MGST2: variants seen among roughly 807,000 people sequenced by gnomAD.
MGST2 encodes the protein glutathione peroxidase MGST2.
Under a neutral mutation model 16.6 loss-of-function variants are expected in MGST2, and 9 were observed. That is an observed-to-expected ratio of 0.54 (90% CI 0.33 to 0.95). MGST2 has a LOEUF of 0.95. MGST2 is among the 40% of genes least tolerant of loss of function. The probability of loss-of-function intolerance (pLI) is 0.03; values close to 1 mark genes in which losing one functional copy is unlikely to be tolerated. For missense variants in MGST2, 159 were observed against 175.1 expected, an observed-to-expected ratio of 0.91 and a Z score of 0.52; for synonymous variants, 79 against 68.0, an observed-to-expected ratio of 1.16 and a Z score of -0.79.
chr4:139,683,171 G>A (rs1421502082), intron 2 of MGST2, among the ~76,000 whole-genome samples: 1 of 152,222 alleles, frequency 6.6e-6, no homozygotes. Context: ...TGAGGGTGGG[G>A]TTTCACCAGG....
chr4:139,707,200 C>A (rs965631171), downstream of MGST2, among the ~76,000 whole-genome samples: 1 of 151,920 alleles, frequency 6.6e-6, no homozygotes, highest in African/African-American at 2.4e-5. Flanking sequence ...ATACCTCCCC[C>A]CTCTCCCCAC....
intron 5 of MGST2, among the ~76,000 whole-genome samples, chr4:139,723,201 A>C (rs1232350014): frequency 6.6e-6 from 1 of 152,258 alleles, no homozygotes; most frequent in Non-Finnish European, 1.5e-5. Context: ...ACCCATGTAC[A>C]GTACAATCCC....
In MGST2 at chr4:139,666,500, T is replaced by C. The variant is rs545344453; in HGVS notation, c.58+423T>C. Reference sequence around the variant, plus strand: ...CTGGTTGTGATTTCTTGAACGTTGATGTTTTAATTAATGTGTTTTCTTAAA... The same window carrying C: ...CTGGTTGTGATTTCTTGAACGTTGACGTTTTAATTAATGTGTTTTCTTAAA... On this transcript the variant is annotated intron_variant, in intron 1 of 4. Coordinates refer to ENST00000265498, the MANE Select transcript of MGST2 (RefSeq NM_002413.5). Among the ~76,000 whole-genome samples the C allele has an allele frequency of 2.6e-5, 4 of 152,358 alleles. No individual in the cohort carries two copies. In the East Asian group the frequency reaches 5.8e-4, roughly 22 times the overall value.
At chr4:139,712,429 T>G (rs559027694) in intron 5 of MGST2, among the ~76,000 whole-genome samples, 28 of 152,352 alleles carry the variant, frequency 1.8e-4, no homozygotes, top group Non-Finnish European at 3.1e-4. Flanking sequence ...AGTTTCCCAT[T>G]TTTACTAAAG....
At chr4:139,696,280 T>C (rs988091581) in intron 3 of MGST2, among the ~76,000 whole-genome samples, 2 of 152,176 alleles carry the variant, frequency 1.3e-5, no homozygotes, top group Non-Finnish European at 2.9e-5. Flanking sequence ...TATAGAAATA[T>C]CATTTCTGAC....
chr4:139,745,826 A>C, the MGST2 span, among the ~76,000 whole-genome samples: 1 of 152,236 alleles, frequency 6.6e-6, no homozygotes, highest in African/African-American at 2.4e-5. Flanking sequence ...GTAGGTATAT[A>C]CTGTGAATAT....
At position 139,735,899 on chromosome 4, in the gene MGST2, T is replaced by A. The variant is rs1728922591; in HGVS notation, c.*49-4313T>A. Among the ~76,000 whole-genome samples, 1 of 149,834 alleles carries A rather than the reference T, an allele frequency of 6.7e-6. No homozygotes were observed. The highest frequency in any genetic ancestry group is 2.5e-5 in the African/African-American group (1 of 40,602). On this transcript the variant is annotated intron_variant, in intron 5 of 5. Transcript: ENST00000616265. This position sits in a 1 kb window ranked among gnomAD's most constrained non-coding sequence, Gnocchi z 5.8. ...GGAGACCCGCGAGGGGCCCTGGAGG[T>A]CCTCGGCCCGCGCGCGCCGCTCGGG...
At chr4:139,737,041 C>G (rs1728972756) in intron 5 of MGST2, among the ~76,000 whole-genome samples, 1 of 152,144 alleles carries the variant, frequency 6.6e-6, no homozygotes. Flanking sequence ...ACGGACTACT[C>G]CAGTTGCAAC....
At chr4:139,707,541 C>G (rs1727567345), downstream of MGST2, among the ~76,000 whole-genome samples, 1 of 152,168 alleles carries the variant, frequency 6.6e-6, no homozygotes, top group South Asian at 2.1e-4. Flanking sequence ...TAGCAAGCAG[C>G]ATGATTTATA....
At chr4:139,753,462 G>T in the MGST2 span, among the ~76,000 whole-genome samples, 2 of 152,086 alleles carry the variant, frequency 1.3e-5, no homozygotes, top group Non-Finnish European at 2.9e-5. Flanking sequence ...TAATATGCAT[G>T]ATGGAGAAAA....
chr4:139,723,214 T>C lies in MGST2; in HGVS notation c.*49-16998T>C, dbSNP rs141645979. On this transcript the variant is annotated intron_variant, in intron 5 of 5. Transcript: ENST00000616265. The stretch of plus-strand genomic sequence containing the variant: ...AAACCCATGTACAGTACAATCCCAA[T>C]TTTTGTGGGTGTCTATTTATATAGA... 1.2e-3 allele frequency among the ~76,000 whole-genome samples: 176 copies of C among 152,370 alleles called. 3 individuals are homozygous for C. The South Asian group carries it at 0.022, about 19-fold the overall frequency.
rs369164655 is a variant in MGST2, at chr4:139,691,243, C to T, written c.159-3954C>T. ...TCTCACAGGAAGGGAAGATTGACAGCTACTGCAGGCTGTTTGCTGTTCCAT... is the reference window on the plus strand; with the variant it reads ...TCTCACAGGAAGGGAAGATTGACAGTTACTGCAGGCTGTTTGCTGTTCCAT... On this transcript the variant is annotated intron_variant, in intron 2 of 4. Coordinates refer to ENST00000265498, the MANE Select transcript of MGST2 (RefSeq NM_002413.5). Among the ~76,000 whole-genome samples, 198 of 152,332 alleles carry T rather than the reference C, an allele frequency of 1.3e-3. 1 individual carries two copies. Among genetic ancestry groups the T allele is most frequent in the African/African-American group, 4.6e-3 (191 of 41,582 alleles).
the MGST2 span, among the ~76,000 whole-genome samples, chr4:139,746,716 TC>T: frequency 6.6e-6 from 1 of 152,104 alleles, no homozygotes; most frequent in South Asian, 2.1e-4. Flanking sequence ...TCCTTTCACC[TC>T]CCCCCTTCTC....
In MGST2 at chr4:139,678,580, AT is replaced by A; in HGVS notation, c.97del (p.Tyr33ThrfsTer32). On this transcript the variant is annotated frameshift_variant, in exon 2 of 5. Coordinates refer to ENST00000265498, the MANE Select transcript of MGST2 (RefSeq NM_002413.5). LOFTEE classifies it high-confidence loss of function. ...ALQVGKARLK[Y>X]KVTPPAVTGS... Reference sequence around the variant, plus strand: ...TGCAAGTTGGAAAGGCAAGATTAAAATACAAAGTTACGCCCCCAGCAGTCAC... The same window carrying A: ...TGCAAGTTGGAAAGGCAAGATTAAAAACAAAGTTACGCCCCCAGCAGTCAC... The A allele has an allele frequency of 6.2e-7, 1 of 1,614,166 alleles. No homozygotes were observed. Among genetic ancestry groups the A allele is most frequent in the Non-Finnish European group, 8.5e-7 (1 of 1,180,000 alleles).
chr4:139,716,449 G>A (rs1727963579), intron 5 of MGST2, among the ~76,000 whole-genome samples: 1 of 152,170 alleles, frequency 6.6e-6, no homozygotes, highest in Non-Finnish European at 1.5e-5. Context: ...GAACTAGTTG[G>A]AAATGGAATT....
Position 139,666,105 on chromosome 4 carries a change from T to TGTGC in MGST2, c.58+29_58+30insTGCG, listed in dbSNP as rs1553943681. On this transcript the variant is annotated intron_variant, in intron 1 of 4. Transcript: ENST00000265498. ...AAGAGGCATGGGAAGTTCGTGTGTG[T>TGTGC]GCGCGTGTGTGCGTGTGTGTGTGTG... is the stretch of plus-strand genomic sequence containing the variant. 197 of 1,580,664 alleles carry TGTGC rather than the reference T, an allele frequency of 1.2e-4. No individual in the cohort carries two copies. In the African/African-American group the frequency reaches 2.6e-3, roughly 21 times the overall value.
chr4:139,744,131 T>G (rs1246981168), downstream of MGST2, among the ~76,000 whole-genome samples: 1 of 152,228 alleles, frequency 6.6e-6, no homozygotes, highest in Non-Finnish European at 1.5e-5. Flanking sequence ...TGGAATACTC[T>G]GATTCACCTT....
At chr4:139,702,489 GTT>G (rs542229041) in intron 3 of MGST2, among the ~76,000 whole-genome samples, 1 of 151,500 alleles carries the variant, frequency 6.6e-6, no homozygotes. Context: ...GCATAGATCT[GTT>G]TTTTTTCATT....
intron 5 of MGST2, chr4:139,730,741 G>GA: frequency 7.2e-7 from 1 of 1,385,720 alleles, no homozygotes; most frequent in Non-Finnish European, 9.9e-7. Context: ...GAAGCCCCTG[G>GA]AAAAAGGGAA....
Sources: gnomAD v4.1 joint callset for allele counts (sites outside exome capture counted in the v4.1 genomes callset) on GRCh38, gnomAD v4.1.1 for gene constraint, Gnocchi (gnomAD v3.1) non-coding constraint, MANE v1.5 for transcripts, NCBI Gene and HGNC (gene_info 2026-07-23, HGNC 2026-07-21) for gene names.